KIF2A: variants seen among roughly 807,000 people sequenced by gnomAD.
KIF2A encodes kinesin-like protein KIF2A.
In KIF2A, 22 loss-of-function variants were observed where a neutral mutation model predicts 100.2. The observed-to-expected ratio is 0.22, with a 90% confidence interval of 0.16 to 0.31. The LOEUF is 0.31. Among genes scored for constraint, KIF2A ranks in the 10% least tolerant of loss-of-function variants. KIF2A has a pLI of 1.00. For synonymous variants in KIF2A, 268 were observed against 285.9 expected, an observed-to-expected ratio of 0.94 and a Z score of 0.63; for missense variants, 495 against 898.7, an observed-to-expected ratio of 0.55 and a Z score of 5.74.
intron 7 of KIF2A, among the ~76,000 whole-genome samples, chr5:62,355,534 A>G (rs1485428653): frequency 6.6e-6 from 1 of 152,226 alleles, no homozygotes; most frequent in Non-Finnish European, 1.5e-5. Context: ...GAGTGATAGC[A>G]GAAGACTCAC....
chr5:62,378,899 AGT>A (rs1333259405), intron 19 of KIF2A, among the ~76,000 whole-genome samples: 1 of 152,158 alleles, frequency 6.6e-6, no homozygotes, highest in African/African-American at 2.4e-5. Context: ...TGGGCAACAG[AGT>A]GAGAAAAAAA....
intron 4 of KIF2A, 82 bp from the exon 5 acceptor site, chr5:62,352,506 G>A (rs1580062512): frequency 1.0e-6 from 1 of 978,314 alleles, no homozygotes; most frequent in East Asian, 2.9e-5. Context: ...ATCAGGTTTT[G>A]GGGGCTATCT....
intron 1 of KIF2A, among the ~76,000 whole-genome samples, chr5:62,307,955 A>G (rs1396054799): frequency 6.6e-6 from 1 of 152,134 alleles, no homozygotes; most frequent in East Asian, 1.9e-4. Context: ...ATTAACCTTT[A>G]GCCTAGCCTA....
chr5:62,346,111 A>G (rs1747552479), intron 1 of KIF2A, among the ~76,000 whole-genome samples: 1 of 152,164 alleles, frequency 6.6e-6, no homozygotes, highest in Admixed American at 6.5e-5. Context: ...ATAATTTATG[A>G]TAAACATAAT....
intron 1 of KIF2A, among the ~76,000 whole-genome samples, chr5:62,328,865 T>G (rs938153893): frequency 6.6e-6 from 1 of 152,198 alleles, no homozygotes; most frequent in Non-Finnish European, 1.5e-5. Context: ...AAATTCTGAA[T>G]GAAACTTTTC....
In KIF2A at chr5:62,370,786, T is replaced by C. The variant is rs143866655; in HGVS notation, c.1647-1652T>C. Among the ~76,000 whole-genome samples the C allele has an allele frequency of 2.0e-4, 30 of 152,214 alleles. No individual in the cohort carries two copies. The East Asian group carries it at 5.2e-3, about 26-fold the overall frequency. On this transcript the variant is annotated intron_variant, in intron 16 of 20. Transcript: ENST00000407818. The stretch of plus-strand genomic sequence containing the variant: ...ATTGGGTCTTGGGTAGAAGAGTGAT[T>C]AGAGTGATTAGGAGTTTTTAGTAAC...
chr5:62,320,823 A>AT (rs34685211), intron 1 of KIF2A, among the ~76,000 whole-genome samples: 86,251 of 151,374 alleles, frequency 0.57, 25,684 homozygotes, highest in South Asian at 0.68. Context: ...CAATTCAGTG[A>AT]TTTTTTTTTG....
chr5:62,307,366 A>G (rs984415051), intron 1 of KIF2A: 2 of 151,806 alleles, frequency 1.3e-5, no homozygotes, highest in Non-Finnish European at 2.9e-5. Context: ...GTGAAGACAC[A>G]TGCTTCATTT....
intron 18 of KIF2A, among the ~76,000 whole-genome samples, chr5:62,374,511 A>G (rs1178741053): frequency 6.6e-6 from 1 of 152,172 alleles, no homozygotes; most frequent in Non-Finnish European, 1.5e-5. Context: ...ATATAGGGAA[A>G]AACAACTTCC....
At chr5:62,349,423 CT>C (rs1184526473) in intron 3 of KIF2A, among the ~76,000 whole-genome samples, 4 of 151,950 alleles carry the variant, frequency 2.6e-5, no homozygotes, top group Non-Finnish European at 5.9e-5. Flanking sequence ...CATCAGTTTC[CT>C]TTTAATAGTA....
intron 1 of KIF2A, among the ~76,000 whole-genome samples, chr5:62,346,084 C>CCAT (rs1348887834): frequency 1.3e-5 from 2 of 151,660 alleles, no homozygotes; most frequent in Non-Finnish European, 2.9e-5. Flanking sequence ...ACCTAAGTGA[C>CCAT]CATCAATAGG....
In KIF2A at chr5:62,386,578, A is replaced by G. The variant is rs541509373; in HGVS notation, c.*1009A>G. Among the ~76,000 whole-genome samples, 5 of 152,236 alleles carry G rather than the reference A, an allele frequency of 3.3e-5. No homozygotes were observed. The highest frequency in any genetic ancestry group is 7.3e-5 in the Non-Finnish European group (5 of 68,046). Reference sequence around the variant, plus strand: ...CTGATGCATGAACATTTACATGTACATTGAAAGTAGTCCATAATAGAAGTT... The same window carrying G: ...CTGATGCATGAACATTTACATGTACGTTGAAAGTAGTCCATAATAGAAGTT... On this transcript the variant is annotated 3_prime_UTR_variant, in exon 21 of 21. Transcript: ENST00000407818.
At chr5:62,351,995 A>C (rs1747877379) in intron 4 of KIF2A, among the ~76,000 whole-genome samples, 1 of 152,108 alleles carries the variant, frequency 6.6e-6, no homozygotes. Context: ...CTCTACTAAA[A>C]TTACAAAAAT....
In KIF2A at chr5:62,318,796, G is replaced by A. The variant is rs145125756; in HGVS notation, c.64+12260G>A. Among the ~76,000 whole-genome samples the A allele has an allele frequency of 2.0e-3, 297 of 152,096 alleles. 1 individual carries two copies. The highest frequency in any genetic ancestry group is 3.5e-3 in the Non-Finnish European group (236 of 68,006). ...TAAATGCTTCTCTTTAGCCCACATT[G>A]GCTACAGACATGTACTGTTCGTATA... On this transcript the variant is annotated intron_variant, in intron 1 of 20. Transcript: ENST00000407818.
At chr5:62,366,590 G>T (rs575013878) in intron 16 of KIF2A, 109 bp downstream of exon 16, 1 of 628,188 alleles carries the variant, frequency 1.6e-6, no homozygotes, top group East Asian at 3.2e-5. Flanking sequence ...CTAGCACTTT[G>T]GGAGGCCCAG....
chr5:62,367,365 C>A (rs545915159), intron 16 of KIF2A, among the ~76,000 whole-genome samples: 2 of 152,030 alleles, frequency 1.3e-5, no homozygotes, highest in African/African-American at 4.8e-5. Flanking sequence ...TTCCTGAGTT[C>A]AAGCGATTTT....
chr5:62,385,668 C>T lies in KIF2A; in HGVS notation c.*99C>T, dbSNP rs910808954. On this transcript the variant is annotated 3_prime_UTR_variant, in exon 21 of 21. Transcript: ENST00000407818. ...TTTGAAAGTTTGGAATTTTAAGTGT[C>T]TGTGGAAAATGTTTTGTCCTTCACC... 3.8e-6 allele frequency: 3 copies of T among 794,494 alleles called. No individual in the cohort carries two copies. Among genetic ancestry groups the T allele is most frequent in the Non-Finnish European group, 6.2e-6 (3 of 482,654 alleles). The allele number at this position is 794,494 out of a possible 1,614,324, so 49.2% of individuals were successfully genotyped here.
intron 7 of KIF2A, 115 bp downstream of exon 7, chr5:62,355,369 G>A: frequency 1.7e-6 from 1 of 584,424 alleles, no homozygotes; most frequent in Non-Finnish European, 3.1e-6. Flanking sequence ...TTTCCTTGTG[G>A]GTGCTCATTC....
intron 1 of KIF2A, among the ~76,000 whole-genome samples, chr5:62,345,259 G>A (rs902022869): frequency 2.0e-5 from 3 of 151,998 alleles, no homozygotes; most frequent in South Asian, 2.1e-4. Context: ...GTGGTGGCAC[G>A]TGCCTGTAAT....
Sources: allele counts gnomAD v4.1 joint callset (sites outside exome capture counted in the v4.1 genomes callset), GRCh38; gene constraint gnomAD v4.1.1; transcripts MANE v1.5; gene names NCBI Gene and HGNC (gene_info 2026-07-23, HGNC 2026-07-21).